The following LEFTY2 variants were observed in gnomAD, a reference collection of about 807,000 sequenced individuals.
LEFTY2 encodes TGF-beta-4.
Under a neutral mutation model 26.4 loss-of-function variants are expected in LEFTY2, and 10 were observed. The observed-to-expected ratio is 0.38, with a 90% confidence interval of 0.23 to 0.64. The LOEUF is 0.64. LEFTY2 is among the 30% of genes least tolerant of loss of function. LEFTY2 has a pLI of 0.56. For missense variants in LEFTY2, 407 were observed against 502.1 expected, an observed-to-expected ratio of 0.81 and a Z score of 1.81; for synonymous variants, 204 against 234.1, an observed-to-expected ratio of 0.87 and a Z score of 1.17.
chr1:225,939,472 C>A lies in LEFTY2; in HGVS notation c.626G>T (p.Gly209Val). ...LQVSVQREHL[G>V]PLASGAHKLV... ...CTTGTGGGCGCCGGACGCCAGCGGG[C>A]CCAGATGCTCCCTCTGCACCGACAC... The change falls in exon 3 of 4, where the codon GGC (glycine) becomes GTC (valine). Residue 209 changes from glycine to valine, a missense_variant. Physicochemically the swap from Gly to Val is moderately radical, Grantham distance 109. Coordinates refer to ENST00000366820, the MANE Select transcript of LEFTY2 (RefSeq NM_003240.5). This position sits in a 1 kb window ranked among gnomAD's most constrained non-coding sequence, Gnocchi z 4.1. 2 of 1,610,828 alleles carry A rather than the reference C, an allele frequency of 1.2e-6. No individual in the cohort carries two copies.
chr1:225,937,937 T>C (rs2102681635), intron 3 of LEFTY2, 133 bp from the exon 4 acceptor site: 4 of 1,217,524 alleles, frequency 3.3e-6, no homozygotes, highest in African/African-American at 3.1e-5. Flanking sequence ...AGCTGGATAT[T>C]TGTGAGAAGA....
rs770500519 is a variant in LEFTY2, at chr1:225,939,383, T to C, written c.715A>G (p.Thr239Ala). ...GLGEPQLELH[T>A]LDLRDYGAQG... is the part of the protein sequence containing the mutation. Reference sequence around the variant, plus strand: ...TACCCATAGTCCCTGAGGTCCAGGGTGTGCAGCTCCAGCTGGGGCTCCCCA... The same window carrying C: ...TACCCATAGTCCCTGAGGTCCAGGGCGTGCAGCTCCAGCTGGGGCTCCCCA... The change falls in exon 3 of 4, where the codon ACC (threonine) becomes GCC (alanine). Residue 239 changes from threonine (T) to alanine (A), a missense_variant. Transcript: ENST00000366820. This position sits in a 1 kb window ranked among gnomAD's most constrained non-coding sequence, Gnocchi z 4.1. 8.7e-6 allele frequency: 14 copies of C among 1,613,512 alleles called. No homozygotes were observed. Among genetic ancestry groups the C allele is most frequent in the Non-Finnish European group, 1.1e-5 (13 of 1,179,856 alleles).
chr1:225,938,868 T>C (rs955965582), intron 3 of LEFTY2, among the ~76,000 whole-genome samples: 11 of 55,240 alleles, frequency 2.0e-4, no homozygotes, highest in South Asian at 1.1e-3. Context: ...TTTGTTTCCT[T>C]TTTTTTTTTT....
chr1:225,937,310 A>T lies in LEFTY2; in HGVS notation c.*131T>A. ...GACGGGAAAGACAGGAAATGGAAGG[A>T]CACAGGGCGAAGGTCACACAGGAGC... On this transcript the variant is annotated 3_prime_UTR_variant, in exon 4 of 4. Coordinates refer to ENST00000366820, the MANE Select transcript of LEFTY2 (RefSeq NM_003240.5). 6.9e-7 allele frequency: 1 copy of T among 1,446,840 alleles called. No individual in the cohort carries two copies. The highest frequency in any genetic ancestry group is 9.6e-7 in the Non-Finnish European group (1 of 1,045,780). The allele number at this position is 1,446,840 out of a possible 1,614,324, so 89.6% of individuals were successfully genotyped here. A position where few individuals can be genotyped will look rare whatever the true frequency, so the allele number is the denominator to read the frequency against.
rs917886389 is a variant in LEFTY2, at chr1:225,937,491, A to G, written c.1051T>C (p.Cys351Arg). ...VSLPNMRVQK[C>R]SCASDGALVP... ...AGCGCCCCATCCGAGGCACAGCTGCACTTCTGCACCCTCATGTTGGGCAGG... is the reference window on the plus strand; with the variant it reads ...AGCGCCCCATCCGAGGCACAGCTGCGCTTCTGCACCCTCATGTTGGGCAGG... Residue 351 changes from cysteine (C) to arginine (R), a missense_variant, in exon 4 of 4, where the codon TGC becomes CGC. Cys to Arg is a radical substitution (Grantham distance 180). Transcript: ENST00000366820. 1 of 1,613,896 alleles carries G rather than the reference A, an allele frequency of 6.2e-7. No individual in the cohort carries two copies. Among genetic ancestry groups the G allele is most frequent in the African/African-American group, 1.3e-5 (1 of 74,900 alleles).
Position 225,939,579 on chromosome 1 carries a change from G to C in LEFTY2, c.519C>G (p.Ser173Arg). 6.2e-7 allele frequency: 1 copy of C among 1,612,572 alleles called. No individual in the cohort carries two copies. The highest frequency in any genetic ancestry group is 8.5e-7 in the Non-Finnish European group (1 of 1,179,834). The change falls in exon 3 of 4, where the codon AGC (serine) becomes AGG (arginine). Residue 173 changes from serine to arginine, a missense_variant. Coordinates refer to ENST00000366820, the MANE Select transcript of LEFTY2 (RefSeq NM_003240.5). The surrounding 1 kb of genome is among the most constrained non-coding windows in gnomAD (Gnocchi z 4.1). ...CGGTCACGTCGAAGGCCTTCCAGCC[G>C]CTCTCGTGGACGGACACCAGCCTGA... ...IDSRLVSVHE[S>R]GWKAFDVTEA...
chr1:225,937,548 C>T lies in LEFTY2; in HGVS notation c.994G>A (p.Glu332Lys), dbSNP rs767847665. 7.4e-6 allele frequency: 12 copies of T among 1,614,048 alleles called. No individual in the cohort carries two copies. The South Asian group carries it at 1.2e-4, about 16-fold the overall frequency. Residue 332 changes from glutamate to lysine, a missense_variant, in exon 4 of 4, where the codon GAG (glutamate) becomes AAG (lysine). By Grantham distance (56) the Glu-to-Lys change is moderately conservative. Coordinates refer to ENST00000366820, the MANE Select transcript of LEFTY2 (RefSeq NM_003240.5). ...ASLPMIVSIK[E>K]GGRTRPQVVS... ...ACCTGGGGCCTGGTCCTGCCTCCCT[C>T]CTTGATGCTGACGATCATGGGCAGC... is the stretch of plus-strand genomic sequence containing the variant.
In LEFTY2 at chr1:225,937,820, G is replaced by A. The variant is rs1672195684; in HGVS notation, c.738-16C>T. ...GCCCTGAGCTCTGTGTGGGCAAGGA[G>A]AGCAGGGTCAGAGGTCATCTGGGAG... On this transcript the variant is annotated splice_polypyrimidine_tract_variant and intron_variant, in intron 3 of 3. Transcript: ENST00000366820. 3.8e-6 allele frequency: 6 copies of A among 1,564,528 alleles called. No individual in the cohort carries two copies. The highest frequency in any genetic ancestry group is 5.2e-6 in the Non-Finnish European group (6 of 1,163,924).
Position 225,937,166 on chromosome 1 carries a change from C to T in LEFTY2, c.*275G>A. On this transcript the variant is annotated 3_prime_UTR_variant, in exon 4 of 4. Coordinates refer to ENST00000366820, the MANE Select transcript of LEFTY2 (RefSeq NM_003240.5). The stretch of plus-strand genomic sequence containing the variant: ...GAATTTGCCAGAGAACAGAAACTCC[C>T]AGCTGAAAATGTGTGCATTGCTCAG... The T allele has an allele frequency of 3.5e-6, 2 of 564,434 alleles. No homozygotes were observed. Among genetic ancestry groups the T allele is most frequent in the South Asian group, 4.1e-5 (2 of 48,302 alleles). The allele number at this position is 564,434 out of a possible 1,614,324, so 35.0% of individuals were successfully genotyped here.
chr1:225,938,097 A>C (rs1392227772), intron 3 of LEFTY2, among the ~76,000 whole-genome samples: 1 of 152,192 alleles, frequency 6.6e-6, no homozygotes, highest in Non-Finnish European at 1.5e-5. Flanking sequence ...CATTATCCCC[A>C]TTCCACCTGA....
At position 225,939,981 on chromosome 1, in the gene LEFTY2, G is replaced by T. The variant is rs1339590183; in HGVS notation, c.272C>A (p.Ala91Glu). 4 of 1,595,680 alleles carry T rather than the reference G, an allele frequency of 2.5e-6. No individual in the cohort carries two copies. The highest frequency in any genetic ancestry group is 2.5e-6 in the Non-Finnish European group (3 of 1,179,570). The change falls in exon 2 of 4, where the codon GCG (alanine) becomes GAG (glutamate). Residue 91 changes from alanine to glutamate, a missense_variant. Physicochemically the swap from Ala to Glu is moderately radical, Grantham distance 107 (BLOSUM62 -1). Coordinates refer to ENST00000366820, the MANE Select transcript of LEFTY2 (RefSeq NM_003240.5). This position sits in a 1 kb window ranked among gnomAD's most constrained non-coding sequence, Gnocchi z 4.1. ...SFREVAGRFL[A>E]SEASTHLLVF... ...CAGCAGGTGTGTGCTGGCCTCCGAC[G>T]CCAGGAACCTGCCGGCCACCTCTGG...
Position 225,939,321 on chromosome 1 carries a change from A to G in LEFTY2, c.737+40T>C, listed in dbSNP as rs756463179. The G allele has an allele frequency of 1.9e-6, 3 of 1,612,570 alleles. No individual in the cohort carries two copies. The South Asian group carries it at 3.3e-5, about 18-fold the overall frequency. ...CTGGGGACGGGGGTCTGGACCACTC[A>G]GTGGCTGCTTGCCTCCCTTCTGCCC... On this transcript the variant is annotated intron_variant, in intron 3 of 3. Transcript: ENST00000366820. The surrounding 1 kb of genome is among the most constrained non-coding windows in gnomAD (Gnocchi z 4.1).
At chr1:225,938,826 AATAAT>A (rs978584767) in intron 3 of LEFTY2, among the ~76,000 whole-genome samples, 4 of 150,942 alleles carry the variant, frequency 2.7e-5, no homozygotes, top group African/African-American at 9.7e-5. Flanking sequence ...GCCTGGCCTG[AATAAT>A]ATAATATTTC....
rs1672171213 is a variant in LEFTY2 at position 225,937,147 on chromosome 1, G to A, written c.*294C>T. Reference sequence around the variant, plus strand: ...TTGTTCCAGACTCAGTGAAGAATTTGCCAGAGAACAGAAACTCCCAGCTGA... The same window carrying A: ...TTGTTCCAGACTCAGTGAAGAATTTACCAGAGAACAGAAACTCCCAGCTGA... On this transcript the variant is annotated 3_prime_UTR_variant, in exon 4 of 4. Transcript: ENST00000366820. The A allele has an allele frequency of 1.9e-6, 1 of 536,392 alleles. No homozygotes were observed. The highest frequency in any genetic ancestry group is 3.4e-6 in the Non-Finnish European group (1 of 297,924). 33.2% of individuals were successfully genotyped at this position (536,392 alleles called of 1,614,324 possible). A position where few individuals can be genotyped will look rare whatever the true frequency, so the allele number is the denominator to read the frequency against.
rs1235978381 is a variant in LEFTY2 at position 225,937,044 on chromosome 1, T to C, written c.*397A>G. 6.5e-6 allele frequency: 2 copies of C among 306,532 alleles called. No homozygotes were observed. The highest frequency in any genetic ancestry group is 1.3e-5 in the Non-Finnish European group (2 of 159,892). The allele number at this position is 306,532 out of a possible 1,614,324, so 19.0% of individuals were successfully genotyped here. A position where few individuals can be genotyped will look rare whatever the true frequency, so the allele number is the denominator to read the frequency against. On this transcript the variant is annotated 3_prime_UTR_variant, in exon 4 of 4. Transcript: ENST00000366820. ...AGAATGGGTCAGTATTTGGGGGAAA[T>C]AGAGATTTGAAGGTTTTAATTCCTC... is the stretch of plus-strand genomic sequence containing the variant.
chr1:225,938,299 C>A (rs191411721), intron 3 of LEFTY2, among the ~76,000 whole-genome samples: 2 of 152,222 alleles, frequency 1.3e-5, no homozygotes, highest in Admixed American at 1.3e-4. Context: ...GAAAGCTCAT[C>A]GCCCCTAGTA....
intron 1 of LEFTY2, chr1:225,940,218 T>C (rs1672287439): frequency 1.3e-6 from 1 of 763,318 alleles, no homozygotes; most frequent in African/African-American, 1.7e-5. Flanking sequence ...GCTAGCAAGT[T>C]TGCCTCAGCT....
At position 225,937,644 on chromosome 1, in the gene LEFTY2, G is replaced by T; in HGVS notation, c.898C>A (p.Pro300Thr). The change falls in exon 4 of 4, where the codon CCC (proline) becomes ACC (threonine). Residue 300 changes from proline to threonine, a missense_variant. By Grantham distance (38) the Pro-to-Thr change is conservative (BLOSUM62 -1). Coordinates refer to ENST00000366820, the MANE Select transcript of LEFTY2 (RefSeq NM_003240.5). ...CAATTGAAGGCCAGGGCCTCCGGGG[G>T]CTGCTGGCAGGTGCCCACACACTCG... is the stretch of plus-strand genomic sequence containing the variant. ...AYECVGTCQQ[P>T]PEALAFNWPF... 1 of 1,614,154 alleles carries T rather than the reference G, an allele frequency of 6.2e-7. No individual in the cohort carries two copies. The highest frequency in any genetic ancestry group is 8.5e-7 in the Non-Finnish European group (1 of 1,180,038).
chr1:225,937,662 C>T lies in LEFTY2; in HGVS notation c.880G>A (p.Val294Met), dbSNP rs1672187310. ...TCCGGGGGCTGCTGGCAGGTGCCCA[C>T]ACACTCGTAAGCCAGGAAGCCCGGG... is the stretch of plus-strand genomic sequence containing the variant. ...EPPGFLAYECVGTCQQPPEAL... is the reference protein window; with the variant it reads ...EPPGFLAYECMGTCQQPPEAL... The change falls in exon 4 of 4, where the codon GTG becomes ATG. Residue 294 changes from valine (V) to methionine (M), a missense_variant. Transcript: ENST00000366820. 4.3e-6 allele frequency: 7 copies of T among 1,614,122 alleles called. No individual in the cohort carries two copies. The highest frequency in any genetic ancestry group is 5.9e-6 in the Non-Finnish European group (7 of 1,180,022).
Sources: gnomAD v4.1 joint callset for allele counts (sites outside exome capture counted in the v4.1 genomes callset) on GRCh38, gnomAD v4.1.1 for gene constraint, Gnocchi (gnomAD v3.1) non-coding constraint, MANE v1.5 for transcripts, NCBI Gene and HGNC (gene_info 2026-07-23, HGNC 2026-07-21) for gene names.